ATAD3B: variants seen among roughly 807,000 people sequenced by gnomAD.
ATAD3B encodes the protein ATPase family AAA domain containing 3B, also known as ATPase family AAA domain-containing protein 3B.
In ATAD3B, 59 loss-of-function variants were observed where a neutral mutation model predicts 70.2. The ratio of observed to expected loss-of-function variants is 0.84; its 90% CI spans 0.68 to 1.04. The LOEUF is 1.04. Among genes scored for constraint, ATAD3B ranks in the 50% least tolerant of loss-of-function variants. ATAD3B has a pLI of 0.00. For synonymous variants in ATAD3B, 423 were observed against 388.6 expected, an observed-to-expected ratio of 1.09 and a Z score of -1.04; for missense variants, 961 against 913.4, an observed-to-expected ratio of 1.05 and a Z score of -0.67.
intron 8 of ATAD3B, among the ~76,000 whole-genome samples, chr1:1,485,393 T>A (rs539357060): frequency 1.4e-4 from 22 of 152,062 alleles, no homozygotes; most frequent in African/African-American, 5.1e-4. Context: ...TGCTCAGGGC[T>A]CTTGATGGGG....
chr1:1,478,296 C>G (rs1204783638), intron 2 of ATAD3B: 1 of 929,858 alleles, frequency 1.1e-6, no homozygotes, highest in Non-Finnish European at 1.6e-6. Flanking sequence ...GGCGCCCGGC[C>G]CACTCAGCAG....
At chr1:1,499,179 G>A (rs1365706753), downstream of ATAD3B, among the ~76,000 whole-genome samples, 1 of 151,196 alleles carries the variant, frequency 6.6e-6, no homozygotes, top group Non-Finnish European at 1.5e-5. Context: ...CACCGTGTTA[G>A]CCAGGATGGT....
chr1:1,472,698 A>C (rs1639392757), intron 1 of ATAD3B, among the ~76,000 whole-genome samples: 1 of 151,994 alleles, frequency 6.6e-6, no homozygotes, highest in Admixed American at 6.6e-5. Context: ...CTCTTCCCCC[A>C]GCCTTCCTTT....
chr1:1,495,506 G>T lies in ATAD3B; in HGVS notation c.1636G>T (p.Asp546Tyr). 1 of 1,609,734 alleles carries T rather than the reference G, an allele frequency of 6.2e-7. No individual in the cohort carries two copies. The highest frequency in any genetic ancestry group is 1.1e-5 in the South Asian group (1 of 90,760). Residue 546 changes from aspartate (D) to tyrosine (Y), a missense_variant, in exon 16 of 16, where the codon GAC (aspartate) becomes TAC (tyrosine). Asp to Tyr is a radical substitution (Grantham distance 160). Around this residue, in one of 4 missense-constraint regions of ATAD3B, gnomAD observed 417 missense variants for 335.0 expected, o/e 1.24. Transcript: ENST00000673477. ...SWQATAYASK[D>Y]GVLTEAMMDA... ...CTAGGCCACGGCATATGCCTCCAAG[G>T]ACGGGGTCCTCACTGAGGCCATGAT...
chr1:1,492,240 A>G (rs1424635438), intron 15 of ATAD3B, among the ~76,000 whole-genome samples: 1 of 151,970 alleles, frequency 6.6e-6, no homozygotes, highest in Non-Finnish European at 1.5e-5. Flanking sequence ...TAATCCCAGC[A>G]TGTTGGGAGG....
At position 1,491,113 on chromosome 1, in the gene ATAD3B, CACACGG is replaced by C. The variant is rs1557428013; in HGVS notation, c.1614+443_1614+448del. On this transcript the variant is annotated intron_variant, in intron 15 of 15. Coordinates refer to ENST00000673477, the MANE Select transcript of ATAD3B (RefSeq NM_031921.6). ...CTTGGTCCTGTTTGACGGGTTCAGA[CACACGG>C]TGGGACTGGCCTCCGATTGTCCCAC... 9.6e-3 allele frequency among the ~76,000 whole-genome samples: 1,462 copies of C among 152,058 alleles called. 14 individuals are homozygous for C. The highest frequency in any genetic ancestry group is 0.033 in the African/African-American group (1,388 of 41,510).
the ATAD3B span, among the ~76,000 whole-genome samples, chr1:1,506,781 T>C: frequency 1.3e-5 from 2 of 149,140 alleles, no homozygotes; most frequent in South Asian, 2.1e-4. Flanking sequence ...TAGGATTTTC[T>C]TTTTTCTTTT....
downstream of ATAD3B, chr1:1,497,858 A>G (rs1459886195): frequency 5.6e-4 from 50 of 89,810 alleles, 1 homozygote; most frequent in African/African-American, 5.3e-3. Context: ...AGAACTGTTT[A>G]AAAAAAAAAA....
chr1:1,490,460 C>G, intron 14 of ATAD3B, 36 bp downstream of exon 14: 2 of 1,612,272 alleles, frequency 1.2e-6, no homozygotes, highest in South Asian at 2.2e-5. Flanking sequence ...CCAATCCAGG[C>G]ACCATATGGC....
chr1:1,498,712 T>A (rs1278188746), downstream of ATAD3B, among the ~76,000 whole-genome samples: 4 of 150,044 alleles, frequency 2.7e-5, no homozygotes, highest in Non-Finnish European at 1.5e-5. Flanking sequence ...CCGGCCTGTT[T>A]GTTTTTTTCA....
chr1:1,490,234 C>T, intron 13 of ATAD3B, 23 bp from the exon 14 acceptor site: 1 of 1,603,822 alleles, frequency 6.2e-7, no homozygotes, highest in Non-Finnish European at 8.5e-7. Flanking sequence ...CCCAGCGTTT[C>T]CTTCCCCATC....
downstream of ATAD3B, among the ~76,000 whole-genome samples, chr1:1,498,645 C>T (rs1219506172): frequency 5.9e-5 from 9 of 151,644 alleles, no homozygotes; most frequent in East Asian, 1.9e-4. Context: ...TGGGCTCAAG[C>T]GATCCTCCTG....
chr1:1,487,504 A>T (rs1201845505), intron 11 of ATAD3B, among the ~76,000 whole-genome samples: 4 of 147,720 alleles, frequency 2.7e-5, no homozygotes, highest in African/African-American at 9.9e-5. Flanking sequence ...AAAAAAAAAG[A>T]CCCTGCTCCT....
chr1:1,473,498 G>T (rs1042884665), intron 1 of ATAD3B, among the ~76,000 whole-genome samples: 3 of 134,560 alleles, frequency 2.2e-5, no homozygotes, highest in Admixed American at 7.6e-5. Context: ...GCCACCGCAT[G>T]CCACCTTTTT....
Position 1,480,904 on chromosome 1 carries a change from A to C in ATAD3B, c.482A>C (p.Glu161Ala). 7.5e-6 allele frequency: 12 copies of C among 1,593,420 alleles called. No individual in the cohort carries two copies. Among genetic ancestry groups the C allele is most frequent in the Non-Finnish European group, 1.0e-5 (12 of 1,171,836 alleles). ...GAGGAGAATTTACGGAAGCAGGAGGAGTCCGTGCAGAAGCAGGAAGCCATG... is the reference window on the plus strand; with the variant it reads ...GAGGAGAATTTACGGAAGCAGGAGGCGTCCGTGCAGAAGCAGGAAGCCATG... The part of the protein sequence containing the change: ...LNEENLRKQE[E>A]SVQKQEAMRR... Residue 161 changes from glutamate (E) to alanine (A), a missense_variant, in exon 5 of 16, where the codon GAG becomes GCG. Transcript: ENST00000673477.
rs372183068 is a variant in ATAD3B, at chr1:1,489,301, C to G, written c.1337+27C>G. The G allele has an allele frequency of 1.9e-6, 3 of 1,613,116 alleles. No homozygotes were observed. The African/African-American group carries it at 4.0e-5, about 21-fold the overall frequency. The stretch of plus-strand genomic sequence containing the variant: ...TGAGGGAGCCCCTCGGGTCCTGAGC[C>G]CCCGGGCAGGGCTGTGCAGCCGTCG... On this transcript the variant is annotated intron_variant, in intron 13 of 15. Coordinates refer to ENST00000673477, the MANE Select transcript of ATAD3B (RefSeq NM_031921.6).
Position 1,495,738 on chromosome 1 carries a change from T to C in ATAD3B, c.1868T>C (p.Leu623Pro), listed in dbSNP as rs1260716613. Residue 623 changes from leucine (L) to proline (P), a missense_variant, in exon 16 of 16, where the codon CTG becomes CCG. Physicochemically the swap from Leu to Pro is moderately conservative, Grantham distance 98. Transcript: ENST00000673477. ...ATATGCTCCTGGATGGGGACTGGGC[T>C]GTGCCCAGGGCCTCTGTCCCCCAGG... Reference protein sequence around the residue: ...FRICSWMGTGLCPGPLSPRMS... With the variant: ...FRICSWMGTGPCPGPLSPRMS... 6.2e-7 allele frequency: 1 copy of C among 1,612,660 alleles called. No individual in the cohort carries two copies. The highest frequency in any genetic ancestry group is 8.5e-7 in the Non-Finnish European group (1 of 1,179,388).
In ATAD3B at chr1:1,490,376, G is replaced by A. The variant is rs1166464299; in HGVS notation, c.1457G>A (p.Arg486Lys). ...PQQEERERLV[R>K]LHFDNCVLKP... ...CAGGAGGAGCGGGAGCGCCTGGTGAGACTGCATTTTGACAACTGTGTTCTT... is the reference window on the plus strand; with the variant it reads ...CAGGAGGAGCGGGAGCGCCTGGTGAAACTGCATTTTGACAACTGTGTTCTT... Residue 486 changes from arginine (R) to lysine (K), a missense_variant, in exon 14 of 16, where the codon AGA becomes AAA. This residue lies in a region of ATAD3B where 417 missense variants were observed against 335.0 expected (regional missense o/e 1.24). Coordinates refer to ENST00000673477, the MANE Select transcript of ATAD3B (RefSeq NM_031921.6). The A allele has an allele frequency of 6.2e-7, 1 of 1,613,400 alleles. No individual in the cohort carries two copies. The highest frequency in any genetic ancestry group is 1.7e-5 in the Admixed American group (1 of 59,984).
At chr1:1,489,745 C>G (rs1173964840) in intron 13 of ATAD3B, 1 of 1,309,012 alleles carries the variant, frequency 7.6e-7, no homozygotes, top group East Asian at 5.4e-5. Context: ...CCGTGGCTGA[C>G]TCTTCAGGCA....
Sources: allele counts gnomAD v4.1 joint callset (sites outside exome capture counted in the v4.1 genomes callset), GRCh38; gene constraint gnomAD v4.1.1; regional missense constraint gnomAD v4.1.1; transcripts MANE v1.5; gene names NCBI Gene and HGNC (gene_info 2026-07-23, HGNC 2026-07-21).